Variants in TARBP1 observed in about 807,000 individuals in gnomAD.
The protein encoded by TARBP1 is tRNA (guanosine(18)-2'-O)-methyltransferase TARBP1.
Under a neutral mutation model 178.6 loss-of-function variants are expected in TARBP1, and 144 were observed. The ratio of observed to expected loss-of-function variants is 0.81; its 90% CI spans 0.70 to 0.93. The LOEUF (loss-of-function observed/expected upper bound fraction) is 0.93, where lower values mean the gene tolerates loss of function less well. TARBP1 is among the 40% of genes least tolerant of loss of function. TARBP1 has a pLI of 0.00. For missense variants in TARBP1, 2,067 were observed against 2,011.7 expected (o/e 1.03, Z -0.53); for synonymous variants, 787 against 781.0 (o/e 1.01, Z -0.13).
intron 25 of TARBP1, 34 bp from the exon 26 acceptor site, chr1:234,398,587 C>A: frequency 2.7e-6 from 4 of 1,457,470 alleles, no homozygotes; most frequent in Non-Finnish European, 3.7e-6. Context: ...AAATTTCTTC[C>A]CTTAAGAATA....
At position 234,467,631 on chromosome 1, in the gene TARBP1, T is replaced by C; in HGVS notation, c.1119A>G (p.Pro373=). 6.3e-7 allele frequency: 1 copy of C among 1,593,838 alleles called. No homozygotes were observed. Among genetic ancestry groups the C allele is most frequent in the Non-Finnish European group, 8.5e-7 (1 of 1,174,472 alleles). ...TTTTATAAATACACATATGCCAGGA[T>C]GGGTGAAAGAGCCAACATCCTGTGG... is the stretch of plus-strand genomic sequence containing the variant. ...SEENGCWLFH[P]SWHMCIYKRM... Residue 373 remains proline, a synonymous_variant, in exon 4 of 30, where the codon CCA becomes CCG. Transcript: ENST00000040877.
chr1:234,414,554 T>A (rs969304524), intron 22 of TARBP1, among the ~76,000 whole-genome samples: 5 of 152,104 alleles, frequency 3.3e-5, no homozygotes, highest in African/African-American at 9.7e-5. Context: ...GCAGCATGCA[T>A]GTGGCTGACA....
chr1:234,402,440 A>G (rs1268084164), intron 24 of TARBP1, among the ~76,000 whole-genome samples: 1 of 152,164 alleles, frequency 6.6e-6, no homozygotes, highest in Non-Finnish European at 1.5e-5. Flanking sequence ...TTCATCACCC[A>G]TTTTTTGAAA....
chr1:234,393,823 C>A lies in TARBP1; in HGVS notation c.4258G>T (p.Glu1420Ter). ...GTCCACTCCGCTTGGTTATCTGCTT[C>A]GACCAAATTAGTACCTGGGAAGGAA... ...SQQDIGTNLV[E>*]ADNQAEWTDV... is the part of the protein sequence containing the mutation. Residue 1420 changes from glutamate to a stop codon, truncating the protein, a stop_gained, in exon 27 of 30, where the codon GAA (glutamate) becomes TAA (stop). Coordinates refer to ENST00000040877, the MANE Select transcript of TARBP1 (RefSeq NM_005646.4). LOFTEE classifies it high-confidence loss of function. 1 of 1,609,816 alleles carries A rather than the reference C, an allele frequency of 6.2e-7. No homozygotes were observed. The highest frequency in any genetic ancestry group is 1.1e-5 in the South Asian group (1 of 90,728).
chr1:234,429,471 AG>A lies in TARBP1; in HGVS notation c.2815del (p.Leu939PhefsTer13), dbSNP rs760469566. 9.9e-6 allele frequency: 16 copies of A among 1,614,020 alleles called. No homozygotes were observed. The highest frequency in any genetic ancestry group is 4.0e-5 in the African/African-American group (3 of 74,940). ...CACTGGTAAAACTTGATCAGAAGAAAGAACTGTGAGGGCTTCTAGTGCAGAC... is the reference window on the plus strand; with the variant it reads ...CACTGGTAAAACTTGATCAGAAGAAAAACTGTGAGGGCTTCTAGTGCAGAC... ...LQSALEALTV[L>X]SSDQVLPVFH... On this transcript the variant is annotated frameshift_variant, in exon 16 of 30. Transcript: ENST00000040877. LOFTEE classifies it high-confidence loss of function.
At chr1:234,413,455 CAAG>C (rs1308416156) in intron 22 of TARBP1, among the ~76,000 whole-genome samples, 12 of 151,146 alleles carry the variant, frequency 7.9e-5, no homozygotes, top group Non-Finnish European at 1.2e-4. Flanking sequence ...GCTTGGGCGA[CAAG>C]AACGAAACTC....
intron 12 of TARBP1, among the ~76,000 whole-genome samples, chr1:234,443,063 G>A (rs963037656): frequency 5.3e-5 from 8 of 152,166 alleles, no homozygotes; most frequent in African/African-American, 1.9e-4. Flanking sequence ...GGTCGAGGCA[G>A]GCGGATCAGC....
intron 12 of TARBP1, among the ~76,000 whole-genome samples, chr1:234,438,602 A>T (rs1665274470): frequency 1.3e-5 from 2 of 152,206 alleles, no homozygotes; most frequent in Admixed American, 6.5e-5. Context: ...ACGGAGAGAA[A>T]ACTGGTTGAA....
chr1:234,445,568 C>G (rs934779640), intron 12 of TARBP1, among the ~76,000 whole-genome samples: 4 of 152,146 alleles, frequency 2.6e-5, no homozygotes, highest in African/African-American at 9.7e-5. Context: ...CATCAAGTTG[C>G]ATACATTAAA....
chr1:234,450,199 T>C (rs917917353), intron 10 of TARBP1, among the ~76,000 whole-genome samples: 1 of 152,132 alleles, frequency 6.6e-6, no homozygotes, highest in Non-Finnish European at 1.5e-5. Context: ...TTAGTTTCCT[T>C]AAACATAAAA....
rs1669837421 is a variant in TARBP1 at position 234,478,758 on chromosome 1, G to A, written c.346C>T (p.Leu116=). 8.7e-7 allele frequency: 1 copy of A among 1,155,798 alleles called. No individual in the cohort carries two copies. Among genetic ancestry groups the A allele is most frequent in the Admixed American group, 4.8e-5 (1 of 20,832 alleles). The allele number at this position is 1,155,798 out of a possible 1,614,324, so 71.6% of individuals were successfully genotyped here. The change falls in exon 1 of 30, where the codon CTG becomes TTG. Residue 116 remains leucine, a synonymous_variant. Transcript: ENST00000040877. ...GCCTCCTCAGCCAGCGCGGCCGCCA[G>A]CTGCGGACGCCCGGCCAGGCGGACG... ...SCVRLAGRPQ[L]AAALAEEALR...
intron 25 of TARBP1, among the ~76,000 whole-genome samples, chr1:234,400,654 GAATT>G (rs1217944954): frequency 2.0e-5 from 3 of 152,200 alleles, no homozygotes; most frequent in Admixed American, 1.3e-4. Flanking sequence ...TTTACATATT[GAATT>G]AATTTACATG....
At chr1:234,413,189 G>C (rs1211446363) in intron 22 of TARBP1, among the ~76,000 whole-genome samples, 4 of 152,136 alleles carry the variant, frequency 2.6e-5, no homozygotes, top group Admixed American at 6.5e-5. Flanking sequence ...ACCACAAGGA[G>C]CAAAACTGCC....
At chr1:234,395,519 G>A (rs1043058071) in intron 26 of TARBP1, among the ~76,000 whole-genome samples, 3 of 152,178 alleles carry the variant, frequency 2.0e-5, no homozygotes, top group Non-Finnish European at 2.9e-5. Context: ...CGACTTCCAC[G>A]ATGATTGACC....
intron 12 of TARBP1, among the ~76,000 whole-genome samples, chr1:234,438,537 G>A (rs1558208817): frequency 6.6e-6 from 1 of 152,294 alleles, no homozygotes; most frequent in East Asian, 1.9e-4. Context: ...AACAAAGGAG[G>A]TGCGAGAGGA....
chr1:234,460,480 A>C, intron 6 of TARBP1, 84 bp from the exon 7 acceptor site: 1 of 1,429,020 alleles, frequency 7.0e-7, no homozygotes, highest in East Asian at 2.4e-5. Context: ...AGGGAAATAC[A>C]AGTCAAAACC....
intron 22 of TARBP1, among the ~76,000 whole-genome samples, chr1:234,416,610 T>C (rs1302090012): frequency 6.6e-6 from 1 of 152,180 alleles, no homozygotes; most frequent in African/African-American, 2.4e-5. Flanking sequence ...GCATTGTCAT[T>C]TCTTAGTGGT....
At chr1:234,416,724 C>T (rs1000561797) in intron 22 of TARBP1, among the ~76,000 whole-genome samples, 1 of 152,102 alleles carries the variant, frequency 6.6e-6, no homozygotes, top group Non-Finnish European at 1.5e-5. Flanking sequence ...TGGTGACACC[C>T]AGGTTTTAAG....
intron 24 of TARBP1, 58 bp downstream of exon 24, chr1:234,405,843 CCT>C: frequency 6.7e-7 from 1 of 1,501,522 alleles, no homozygotes; most frequent in Non-Finnish European, 9.2e-7. Flanking sequence ...GGCACTGCCC[CCT>C]CCCTGTGGGC....
Sources: gnomAD v4.1 joint callset for allele counts (sites outside exome capture counted in the v4.1 genomes callset) on GRCh38, gnomAD v4.1.1 for gene constraint, MANE v1.5 for transcripts, NCBI Gene and HGNC (gene_info 2026-07-23, HGNC 2026-07-21) for gene names.